Variants in CTXND2 observed in about 807,000 individuals in gnomAD.
The protein encoded by CTXND2 is cortexin domain containing 2.
At position 150,895,312 on chromosome 1, in the gene CTXND2, C is replaced by T. The variant is rs74378373; in HGVS notation, c.-74+7999C>T. On this transcript the variant is annotated intron_variant, in intron 1 of 1. Transcript: ENST00000636087. ...GTCTGCCCAACATCCAACTACCCTTCCTGTTTGGGGAAATCTTTTTTTTCT... is the reference window on the plus strand; with the variant it reads ...GTCTGCCCAACATCCAACTACCCTTTCTGTTTGGGGAAATCTTTTTTTTCT... Among the ~76,000 whole-genome samples the T allele has an allele frequency of 2.6e-3, 400 of 151,964 alleles. 2 individuals carry two copies. The highest frequency in any genetic ancestry group is 9.1e-3 in the African/African-American group (377 of 41,470).
chr1:150,911,435 AAATTT>A (rs1397237555), intron 1 of CTXND2, among the ~76,000 whole-genome samples: 4 of 150,128 alleles, frequency 2.7e-5, no homozygotes, highest in African/African-American at 9.8e-5. Flanking sequence ...TTCCTTATGT[AAATTT>A]ATTTTTTTTT....
intron 1 of CTXND2, among the ~76,000 whole-genome samples, chr1:150,907,594 A>T (rs986123659): frequency 6.6e-6 from 1 of 151,914 alleles, no homozygotes; most frequent in Non-Finnish European, 1.5e-5. Context: ...CCTTTTGGCT[A>T]TGATGAATAA....
chr1:150,892,528 C>CTTTTTT (rs5777740), intron 1 of CTXND2, among the ~76,000 whole-genome samples: 17 of 123,340 alleles, frequency 1.4e-4, no homozygotes, highest in African/African-American at 3.0e-4. Context: ...TCTTCTTCTT[C>CTTTTTT]TTTTTTTTTT....
chr1:150,894,668 T>C (rs991642524), intron 1 of CTXND2, among the ~76,000 whole-genome samples: 2 of 152,238 alleles, frequency 1.3e-5, no homozygotes, highest in Non-Finnish European at 2.9e-5. Flanking sequence ...TAGGTACATA[T>C]AATTTAGAAT....
Position 150,906,315 on chromosome 1 carries a change from A to G in CTXND2, c.-73-5927A>G, listed in dbSNP as rs1669145892. 3.3e-5 allele frequency among the ~76,000 whole-genome samples: 5 copies of G among 152,122 alleles called. No homozygotes were observed. In the South Asian group the frequency reaches 1.0e-3, roughly 32 times the overall value. ...CCCTACCTCAAAAACAACAACAACA[A>G]CAACAAAAAGAATGAACTGGGAGGG... On this transcript the variant is annotated intron_variant, in intron 1 of 1. Coordinates refer to ENST00000636087, the Ensembl canonical transcript of CTXND2.
chr1:150,890,300 G>A (rs1557997922), intron 1 of CTXND2, among the ~76,000 whole-genome samples: 1 of 149,644 alleles, frequency 6.7e-6, no homozygotes, highest in Non-Finnish European at 1.5e-5. Context: ...TAAGTAAAAA[G>A]TGAAGCTGTA....
At chr1:150,898,767 A>AAAAG (rs1287290901) in intron 1 of CTXND2, among the ~76,000 whole-genome samples, 1 of 146,082 alleles carries the variant, frequency 6.8e-6, no homozygotes, top group Admixed American at 6.9e-5. Flanking sequence ...AAAAAAAAAA[A>AAAAG]AAAGAAAGAA....
chr1:150,900,697 T>C (rs986091555), intron 1 of CTXND2, among the ~76,000 whole-genome samples: 23 of 151,880 alleles, frequency 1.5e-4, no homozygotes, highest in Non-Finnish European at 2.9e-5. Context: ...ATATTTGCAA[T>C]ATATATTATA....
chr1:150,892,161 T>C (rs927816887), intron 1 of CTXND2, among the ~76,000 whole-genome samples: 3 of 152,180 alleles, frequency 2.0e-5, no homozygotes, highest in Non-Finnish European at 2.9e-5. Context: ...GATGTCCTTT[T>C]TGAGGAATGT....
intron 1 of CTXND2, among the ~76,000 whole-genome samples, chr1:150,908,790 T>TA (rs36116004): frequency 0.35 from 51,141 of 144,780 alleles, 9,071 homozygotes; most frequent in South Asian, 0.51. Flanking sequence ...CCTAGCTAAT[T>TA]AAAAAAAAAA....
intron 1 of CTXND2, among the ~76,000 whole-genome samples, chr1:150,891,112 C>T (rs1026928576): frequency 3.9e-5 from 6 of 152,134 alleles, no homozygotes; most frequent in Admixed American, 6.6e-5. Context: ...AGGAAATGGA[C>T]GTTTGCCCTG....
At chr1:150,911,921 G>A (rs1262410693) in intron 1 of CTXND2, among the ~76,000 whole-genome samples, 1 of 152,176 alleles carries the variant, frequency 6.6e-6, no homozygotes, top group African/African-American at 2.4e-5. Flanking sequence ...CTTAGAGGAG[G>A]ATTTTGACTT....
chr1:150,889,790 C>T (rs1281781482), intron 1 of CTXND2, among the ~76,000 whole-genome samples: 5 of 151,892 alleles, frequency 3.3e-5, no homozygotes, highest in Non-Finnish European at 5.9e-5. Context: ...TGCCAGACAC[C>T]GATAGAGATT....
chr1:150,913,047 A>G (rs977950940), exon 2 of CTXND2: 3 of 152,206 alleles, frequency 2.0e-5, no homozygotes, highest in African/African-American at 7.2e-5. Context: ...TAGAGGTTTC[A>G]GTGAGGGCCC....
intron 1 of CTXND2, among the ~76,000 whole-genome samples, chr1:150,901,085 C>A (rs1007351792): frequency 6.6e-6 from 1 of 152,138 alleles, no homozygotes; most frequent in Non-Finnish European, 1.5e-5. Context: ...GCACTCCAGC[C>A]TGGGTGACAG....
intron 1 of CTXND2, among the ~76,000 whole-genome samples, chr1:150,900,434 A>G (rs1050455600): frequency 2.0e-5 from 3 of 152,126 alleles, no homozygotes; most frequent in Admixed American, 6.6e-5. Context: ...GAACTGTAAC[A>G]CTCACCGTGA....
chr1:150,890,367 AATAG>A (rs761130249), intron 1 of CTXND2, among the ~76,000 whole-genome samples: 117 of 152,346 alleles, frequency 7.7e-4, no homozygotes, highest in African/African-American at 2.4e-3. Context: ...AACCTTCTGA[AATAG>A]ATAGACAGCC....
chr1:150,907,832 C>T (rs1669177397), intron 1 of CTXND2, among the ~76,000 whole-genome samples: 1 of 151,864 alleles, frequency 6.6e-6, no homozygotes, highest in Admixed American at 6.6e-5. Context: ...GCCTCAGCCT[C>T]CCGAGTAGCT....
intron 1 of CTXND2, among the ~76,000 whole-genome samples, chr1:150,894,910 C>T (rs187406923): frequency 2.8e-4 from 43 of 152,148 alleles, no homozygotes; most frequent in African/African-American, 8.9e-4. Flanking sequence ...TGGCGCGTGC[C>T]TGTAGTCTCA....
Sources: gnomAD v4.1 joint callset for allele counts (sites outside exome capture counted in the v4.1 genomes callset) on GRCh38, gnomAD v4.1.1 for gene constraint, MANE v1.5 for transcripts, NCBI Gene and HGNC (gene_info 2026-07-23, HGNC 2026-07-21) for gene names.